The following KDM4B variants were observed in gnomAD, a reference collection of about 807,000 sequenced individuals.
KDM4B encodes lysine demethylase 4B.
Under a neutral mutation model 125.2 loss-of-function variants are expected in KDM4B, and 32 were observed. The ratio of observed to expected loss-of-function variants is 0.26; its 90% CI spans 0.19 to 0.34. The LOEUF (loss-of-function observed/expected upper bound fraction) is 0.34. KDM4B is among the 10% of genes least tolerant of loss of function. The probability of loss-of-function intolerance (pLI) is 1.00; values close to 1 mark genes in which losing one functional copy is unlikely to be tolerated. For missense variants in KDM4B, 1,190 were observed against 1,577.7 expected, an observed-to-expected ratio of 0.75 and a Z score of 4.16; for synonymous variants, 721 against 677.9, an observed-to-expected ratio of 1.06 and a Z score of -0.99.
At chr19:5,060,153 C>T (rs552154341) in intron 6 of KDM4B, among the ~76,000 whole-genome samples, 23 of 152,270 alleles carry the variant, frequency 1.5e-4, no homozygotes, top group Admixed American at 2.6e-4. Context: ...CAAAAGGGAG[C>T]CATGGGCCGG....
At chr19:5,079,484 C>A (rs989622838) in intron 8 of KDM4B, among the ~76,000 whole-genome samples, 1 of 152,128 alleles carries the variant, frequency 6.6e-6, no homozygotes, top group Non-Finnish European at 1.5e-5. Flanking sequence ...GGAGTGAGGT[C>A]CTTACACTGT....
chr19:5,005,754 C>T (rs1250242251), intron 1 of KDM4B, among the ~76,000 whole-genome samples: 1 of 152,196 alleles, frequency 6.6e-6, no homozygotes, highest in Admixed American at 6.5e-5. Context: ...TTAGAGGCTA[C>T]AGGGCCACGG....
intron 2 of KDM4B, 112 bp from the exon 3 acceptor site, chr19:5,032,754 G>T: frequency 9.9e-7 from 1 of 1,013,732 alleles, no homozygotes; most frequent in Non-Finnish European, 1.5e-6. Flanking sequence ...AGCCGCCTTT[G>T]TCCTCCTGGT....
intron 5 of KDM4B, among the ~76,000 whole-genome samples, chr19:5,042,619 A>G (rs1165666525): frequency 2.0e-5 from 3 of 152,090 alleles, no homozygotes; most frequent in Non-Finnish European, 4.4e-5. Flanking sequence ...GGCCTCAGGA[A>G]ACTTAGAGTC....
chr19:5,077,763 G>A, intron 8 of KDM4B: 1 of 392,736 alleles, frequency 2.5e-6, no homozygotes, highest in East Asian at 5.1e-5. Flanking sequence ...GGCTGCAGGG[G>A]TGGAAGGGCA....
chr19:5,120,501 G>T (rs2039340986), intron 11 of KDM4B, among the ~76,000 whole-genome samples: 1 of 124,690 alleles, frequency 8.0e-6, no homozygotes, highest in South Asian at 2.1e-4. Flanking sequence ...TGGCAAGACA[G>T]GGGGCAGCCG....
At chr19:5,133,842 G>T in intron 13 of KDM4B, 41 bp from the exon 14 acceptor site, 2 of 1,600,566 alleles carry the variant, frequency 1.2e-6, no homozygotes, top group South Asian at 1.1e-5. Context: ...AGTTTTTAGG[G>T]GGCTCAAGTG....
In KDM4B at chr19:5,114,964, G is replaced by T. The variant is rs1200657150; in HGVS notation, c.1115+4146G>T. On this transcript the variant is annotated intron_variant, in intron 10 of 22. Transcript: ENST00000159111. This position sits in a 1 kb window ranked among gnomAD's most constrained non-coding sequence, Gnocchi z 5.8. Reference sequence around the variant, plus strand: ...AGCGGCGTCCAGTTAAGCCTGGCAGGCTAAGTGCTTATTTATCTCCACTCT... The same window carrying T: ...AGCGGCGTCCAGTTAAGCCTGGCAGTCTAAGTGCTTATTTATCTCCACTCT... Among the ~76,000 whole-genome samples the T allele has an allele frequency of 6.6e-6, 1 of 152,258 alleles. No homozygotes were observed. The highest frequency in any genetic ancestry group is 2.4e-5 in the African/African-American group (1 of 41,468).
chr19:5,116,797 A>G (rs2039264863), intron 10 of KDM4B, among the ~76,000 whole-genome samples: 1 of 152,160 alleles, frequency 6.6e-6, no homozygotes, highest in Non-Finnish European at 1.5e-5. Context: ...TGGGGCATAA[A>G]AGCGTAAACG....
chr19:5,019,783 G>A (rs1207860056), intron 2 of KDM4B, among the ~76,000 whole-genome samples: 1 of 147,834 alleles, frequency 6.8e-6, no homozygotes, highest in Non-Finnish European at 1.5e-5. Flanking sequence ...TGGTGTGCAG[G>A]TGCTGGTGTG....
At chr19:5,001,495 T>TA in intron 1 of KDM4B, among the ~76,000 whole-genome samples, 1 of 152,292 alleles carries the variant, frequency 6.6e-6, no homozygotes, top group Non-Finnish European at 1.5e-5. Flanking sequence ...TGCATGTAGA[T>TA]ATTTAGTTTG....
At chr19:5,132,051 G>C in intron 13 of KDM4B, 44 bp downstream of exon 13, 2 of 1,528,896 alleles carry the variant, frequency 1.3e-6, no homozygotes, top group African/African-American at 2.8e-5. Flanking sequence ...GCCCTGCTCC[G>C]CGCTCTGCTG....
chr19:5,042,889 C>T (rs973606802), intron 5 of KDM4B, among the ~76,000 whole-genome samples: 7 of 151,030 alleles, frequency 4.6e-5, no homozygotes, highest in Admixed American at 6.6e-5. Context: ...CTGTATTTCG[C>T]GTACACTTTA....
At chr19:5,024,396 G>C (rs1232441943) in intron 2 of KDM4B, among the ~76,000 whole-genome samples, 1 of 152,184 alleles carries the variant, frequency 6.6e-6, no homozygotes, top group Non-Finnish European at 1.5e-5. Context: ...GGCAGCCCGG[G>C]AGGGTATCCT....
chr19:4,971,983 CCGCCATGACAGATCGGCCGTCCT>C lies in KDM4B; in HGVS notation c.-109+2755_-109+2777del, dbSNP rs1338243682. Among the ~76,000 whole-genome samples the C allele has an allele frequency of 6.6e-6, 1 of 152,138 alleles. No individual in the cohort carries two copies. The highest frequency in any genetic ancestry group is 1.5e-5 in the Non-Finnish European group (1 of 68,004). The stretch of plus-strand genomic sequence containing the variant: ...GAGCTCCGCAGGCCTGCACTGGTCA[CCGCCATGACAGATCGGCCGTCCT>C]CATCCACAGCCTCACCCTAGGCTCC... On this transcript the variant is annotated intron_variant, in intron 1 of 22. Transcript: ENST00000159111. The surrounding 1 kb of genome is among the most constrained non-coding windows in gnomAD (Gnocchi z 4.1).
chr19:5,117,545 C>T (rs1417614688), intron 10 of KDM4B, among the ~76,000 whole-genome samples: 1 of 152,132 alleles, frequency 6.6e-6, no homozygotes, highest in South Asian at 2.1e-4. Flanking sequence ...TGCACCCCAG[C>T]GCCGGTCTGA....
chr19:5,094,444 T>G (rs2038777135), intron 9 of KDM4B, among the ~76,000 whole-genome samples: 1 of 152,072 alleles, frequency 6.6e-6, no homozygotes, highest in South Asian at 2.1e-4. Flanking sequence ...GGGGAGGCAC[T>G]GGGCATTTCA....
chr19:4,988,337 G>A (rs999324085), intron 1 of KDM4B, among the ~76,000 whole-genome samples: 6 of 152,004 alleles, frequency 3.9e-5, no homozygotes, highest in African/African-American at 1.5e-4. Flanking sequence ...GTGCAGTGGT[G>A]CGATCTAGGC....
At position 5,036,550 on chromosome 19, in the gene KDM4B, C is replaced by T. The variant is rs576183257; in HGVS notation, c.142-3286C>T. Among the ~76,000 whole-genome samples the T allele has an allele frequency of 4.4e-4, 67 of 152,320 alleles. 1 individual carries two copies. The highest frequency in any genetic ancestry group is 1.5e-3 in the African/African-American group (63 of 41,582). Reference sequence around the variant, plus strand: ...CCACCCCCACCAGCTGCCTCCCAGGCGGGTGCCAGCAGGGGAGGCCCTGGC... The same window carrying T: ...CCACCCCCACCAGCTGCCTCCCAGGTGGGTGCCAGCAGGGGAGGCCCTGGC... On this transcript the variant is annotated intron_variant, in intron 3 of 22. Transcript: ENST00000159111.
Sources: gnomAD v4.1 joint callset for allele counts (sites outside exome capture counted in the v4.1 genomes callset) on GRCh38, gnomAD v4.1.1 for gene constraint, Gnocchi (gnomAD v3.1) non-coding constraint, MANE v1.5 for transcripts, NCBI Gene and HGNC (gene_info 2026-07-23, HGNC 2026-07-21) for gene names.